ASCC2: variants seen among roughly 807,000 people sequenced by gnomAD.
ASCC2 encodes the protein ASC-1 complex subunit P100.
Under a neutral mutation model 93.5 loss-of-function variants are expected in ASCC2, and 42 were observed. The ratio of observed to expected loss-of-function variants is 0.45; its 90% CI spans 0.35 to 0.58. ASCC2 has a LOEUF of 0.58. Among genes scored for constraint, ASCC2 ranks in the 20% least tolerant of loss-of-function variants. The probability of loss-of-function intolerance (pLI) is 0.00; values close to 1 mark genes in which losing one functional copy is unlikely to be tolerated. For synonymous variants in ASCC2, 364 were observed against 384.2 expected, an observed-to-expected ratio of 0.95 and a Z score of 0.62; for missense variants, 859 against 977.6, an observed-to-expected ratio of 0.88 and a Z score of 1.62.
intron 9 of ASCC2, among the ~76,000 whole-genome samples, chr22:29,807,588 C>T (rs560056370): frequency 6.6e-6 from 1 of 152,248 alleles, no homozygotes; most frequent in East Asian, 1.9e-4. Flanking sequence ...GTCTCCTTCA[C>T]GGTGTTTAGT....
At chr22:29,813,391 C>A (rs764213832) in intron 8 of ASCC2, 39 bp downstream of exon 8, 2 of 1,335,274 alleles carry the variant, frequency 1.5e-6, no homozygotes, top group Non-Finnish European at 2.2e-6. Context: ...AGTACATAAG[C>A]CAGTATCTCT....
At chr22:29,803,117 G>C (rs2059285536) in intron 13 of ASCC2, among the ~76,000 whole-genome samples, 1 of 151,620 alleles carries the variant, frequency 6.6e-6, no homozygotes. Flanking sequence ...TGGGTGTGGT[G>C]GTGGGTGTCT....
At chr22:29,816,931 G>A (rs1190577592) in intron 5 of ASCC2, among the ~76,000 whole-genome samples, 1 of 152,184 alleles carries the variant, frequency 6.6e-6, no homozygotes, top group Non-Finnish European at 1.5e-5. Context: ...TCTAAGGCTG[G>A]CTGATGGTCA....
chr22:29,801,418 G>A (rs1021744105), intron 14 of ASCC2, among the ~76,000 whole-genome samples: 1 of 140,794 alleles, frequency 7.1e-6, no homozygotes, highest in Non-Finnish European at 1.5e-5. Flanking sequence ...CATAAGATCA[G>A]TAGTCACAGA....
chr22:29,788,630 T>A lies in ASCC2; in HGVS notation c.*383A>T. On this transcript the variant is annotated 3_prime_UTR_variant, in exon 20 of 20. Coordinates refer to ENST00000307790, the MANE Select transcript of ASCC2 (RefSeq NM_032204.5). ...AGATCGTTTGAAAGGGTCAAAAATT[T>A]TATTAGCAGGACTTTTTGTGTTTTT... 1 of 238,818 alleles carries A rather than the reference T, an allele frequency of 4.2e-6. No individual in the cohort carries two copies. The highest frequency in any genetic ancestry group is 8.3e-6 in the Non-Finnish European group (1 of 120,548). 14.8% of individuals were successfully genotyped at this position (238,818 alleles called of 1,614,324 possible).
At chr22:29,830,055 C>A (rs1358244342) in intron 2 of ASCC2, among the ~76,000 whole-genome samples, 1 of 152,132 alleles carries the variant, frequency 6.6e-6, no homozygotes, top group African/African-American at 2.4e-5. Context: ...CCAGCAAGAC[C>A]CCTCTTCGAT....
intron 5 of ASCC2, chr22:29,821,881 C>G (rs1246660972): frequency 4.7e-6 from 2 of 424,538 alleles, no homozygotes; most frequent in Admixed American, 5.8e-5. Context: ...CACCTGTAGT[C>G]CCAGGTACCT....
chr22:29,807,961 G>T, intron 9 of ASCC2, 150 bp downstream of exon 9: 1 of 703,412 alleles, frequency 1.4e-6, no homozygotes. Context: ...TCAGGAAGTG[G>T]CTAGATAGGG....
At position 29,825,690 on chromosome 22, in the gene ASCC2, G is replaced by A. The variant is rs1421570065; in HGVS notation, c.172C>T (p.Arg58Cys). Reference sequence around the variant, plus strand: ...AGGTCATTGGCTACGAAGGTGGCGCGTTCCAGGTACTCCTCCACTAGGGCG... The same window carrying A: ...AGGTCATTGGCTACGAAGGTGGCGCATTCCAGGTACTCCTCCACTAGGGCG... Reference protein sequence around the residue: ...IPALVEEYLERATFVANDLDW... With the variant: ...IPALVEEYLECATFVANDLDW... The change falls in exon 3 of 20, where the codon CGC (arginine) becomes TGC (cysteine). Residue 58 changes from arginine (R) to cysteine (C), a missense_variant. Transcript: ENST00000307790. The surrounding 1 kb of genome is among the most constrained non-coding windows in gnomAD (Gnocchi z 4.9). 6.8e-6 allele frequency: 11 copies of A among 1,614,116 alleles called. No individual in the cohort carries two copies. Among genetic ancestry groups the A allele is most frequent in the East Asian group, 6.7e-5 (3 of 44,892 alleles).
chr22:29,824,844 G>A (rs966626042), intron 4 of ASCC2, among the ~76,000 whole-genome samples: 1 of 152,168 alleles, frequency 6.6e-6, no homozygotes, highest in African/African-American at 2.4e-5. Context: ...AGGCAGTCAC[G>A]CGTCAGCTGG....
At chr22:29,835,506 G>T (rs1340351733) in intron 1 of ASCC2, among the ~76,000 whole-genome samples, 4 of 152,144 alleles carry the variant, frequency 2.6e-5, no homozygotes, top group African/African-American at 9.7e-5. Context: ...GGTAGGGAGA[G>T]AGCGCTACAG....
chr22:29,824,768 A>T (rs1247524383), intron 4 of ASCC2, among the ~76,000 whole-genome samples: 1 of 152,024 alleles, frequency 6.6e-6, no homozygotes, highest in Non-Finnish European at 1.5e-5. Context: ...AAAGATTTTT[A>T]AAAAGAGTAC....
rs753249397 is a variant in ASCC2, at chr22:29,806,267, A to AGT, written c.1107_1108dup (p.Leu370HisfsTer51). On this transcript the variant is annotated frameshift_variant, in exon 12 of 20. Transcript: ENST00000307790. LOFTEE classifies it high-confidence loss of function. ...GCTGATGTCTTCGGCCACGGGGAAGAGTGCATCATAGTCCCGGAGGAACCT... is the reference window on the plus strand; with the variant it reads ...GCTGATGTCTTCGGCCACGGGGAAGAGTGTGCATCATAGTCCCGGAGGAACCT... 12 of 1,614,120 alleles carry AGT rather than the reference A, an allele frequency of 7.4e-6. No individual in the cohort carries two copies. Among genetic ancestry groups the AGT allele is most frequent in the Non-Finnish European group, 8.5e-6 (10 of 1,180,036 alleles).
At chr22:29,801,817 A>G (rs527554638) in intron 14 of ASCC2, among the ~76,000 whole-genome samples, 177 bp downstream of exon 14, 3 of 152,310 alleles carry the variant, frequency 2.0e-5, no homozygotes, top group East Asian at 3.9e-4. Context: ...GGGGCAAGTG[A>G]AAAACTCCTG....
intron 1 of ASCC2, chr22:29,834,222 T>C (rs1249444207): frequency 4.0e-6 from 1 of 247,014 alleles, no homozygotes; most frequent in Non-Finnish European, 8.2e-6. Context: ...ATACTGTGTC[T>C]AGTTTAGTTA....
chr22:29,815,655 T>A (rs561931759), intron 6 of ASCC2, among the ~76,000 whole-genome samples: 190 of 152,310 alleles, frequency 1.2e-3, no homozygotes, highest in South Asian at 4.8e-3. Context: ...CATTATTTCA[T>A]GAAATAATTT....
chr22:29,830,557 C>A (rs753607193), intron 2 of ASCC2, among the ~76,000 whole-genome samples: 1 of 77,962 alleles, frequency 1.3e-5, no homozygotes, highest in Middle Eastern at 5.9e-3. Flanking sequence ...CTGGGCTGCA[C>A]GTACCCTCCC....
At chr22:29,837,358 G>T (rs894982627) in intron 1 of ASCC2, among the ~76,000 whole-genome samples, 1 of 152,112 alleles carries the variant, frequency 6.6e-6, no homozygotes, top group Non-Finnish European at 1.5e-5. Flanking sequence ...GCTTGAACCC[G>T]GGAGGCGGAG....
intron 18 of ASCC2, among the ~76,000 whole-genome samples, chr22:29,791,212 C>CA (rs1206065648): frequency 1.3e-5 from 2 of 151,850 alleles, no homozygotes; most frequent in East Asian, 3.9e-4. Flanking sequence ...CCCATCTCTA[C>CA]AAAAACACAT....
Sources: gnomAD v4.1 joint callset for allele counts (sites outside exome capture counted in the v4.1 genomes callset) on GRCh38, gnomAD v4.1.1 for gene constraint, Gnocchi (gnomAD v3.1) non-coding constraint, MANE v1.5 for transcripts, NCBI Gene and HGNC (gene_info 2026-07-23, HGNC 2026-07-21) for gene names.